Variants in LRIG3 observed in about 807,000 individuals in gnomAD.
LRIG3 encodes leucine-rich repeats and immunoglobulin-like domains protein 3.
In LRIG3, 76 loss-of-function variants were observed where a neutral mutation model predicts 114.5. That is an observed-to-expected ratio of 0.66 (90% CI 0.55 to 0.80). LRIG3 has a LOEUF of 0.80. LRIG3 is among the 30% of genes least tolerant of loss of function. LRIG3 has a pLI of 0.00. For missense variants in LRIG3, 1,239 were observed against 1,382.8 expected, an observed-to-expected ratio of 0.90 and a Z score of 1.65; for synonymous variants, 512 against 519.8, an observed-to-expected ratio of 0.98 and a Z score of 0.20.
intron 1 of LRIG3, among the ~76,000 whole-genome samples, chr12:58,918,267 TA>T (rs1872549400): frequency 6.6e-6 from 1 of 152,248 alleles, no homozygotes; most frequent in Admixed American, 6.5e-5. Context: ...AAATAAACTC[TA>T]ATTTGTTTTT....
intron 3 of LRIG3, among the ~76,000 whole-genome samples, chr12:58,909,895 A>G (rs1434651367): frequency 6.6e-6 from 1 of 152,192 alleles, no homozygotes; most frequent in Non-Finnish European, 1.5e-5. Context: ...CCTCTAAACC[A>G]TCCTCCTGCC....
At chr12:58,888,001 A>G (rs1213376725) in intron 7 of LRIG3, 69 bp from the exon 8 acceptor site, 2 of 1,450,042 alleles carry the variant, frequency 1.4e-6, no homozygotes, top group African/African-American at 2.8e-5. Context: ...GTTTTCCAAA[A>G]GACAGGTACT....
rs1447078187 is a variant in LRIG3 at position 58,888,889 on chromosome 12, T to G, written c.733A>C (p.Lys245Gln). 2 of 1,613,804 alleles carry G rather than the reference T, an allele frequency of 1.2e-6. No homozygotes were observed. The highest frequency in any genetic ancestry group is 1.7e-6 in the Non-Finnish European group (2 of 1,179,872). The change falls in exon 6 of 19, where the codon AAA (lysine) becomes CAA (glutamine). Residue 245 changes from lysine (K) to glutamine (Q), a missense_variant. Lys to Gln is a moderately conservative substitution (Grantham distance 53). Coordinates refer to ENST00000320743, the MANE Select transcript of LRIG3 (RefSeq NM_153377.5). Reference protein sequence around the residue: ...FQGLGALKSLKMQRNGVTKLM... With the variant: ...FQGLGALKSLQMQRNGVTKLM... ...TTCGTTACTCCATTTCTTTGCATTT[T>G]CAGAGACTTCAGAGCACCAAGGCCT...
chr12:58,888,461 T>C lies in LRIG3; in HGVS notation c.815A>G (p.His272Arg), dbSNP rs1018396418. 1 of 1,613,314 alleles carries C rather than the reference T, an allele frequency of 6.2e-7. No homozygotes were observed. Among genetic ancestry groups the C allele is most frequent in the South Asian group, 1.1e-5 (1 of 91,056 alleles). Residue 272 changes from histidine (H) to arginine (R), a missense_variant, in exon 7 of 19, where the codon CAT (histidine) becomes CGT (arginine). By Grantham distance (29) the His-to-Arg change is conservative. Transcript: ENST00000320743. ...TTTGGTAATCTCTGTTAGGTTGTTA[T>C]GGTCCAGCTGCCTACATTTACAGTA... ...LSNMEILQLD[H>R]NNLTEITKGW...
At position 58,880,793 on chromosome 12, in the gene LRIG3, A is replaced by G; in HGVS notation, c.1589T>C (p.Met530Thr). ...CSAASSSDSP[M>T]TFAWKKDNEL... ...ATTGTCTTTTTTCCAAGCAAAAGTCATTGGGGAATCACTGCTGCTGGCAGC... is the reference window on the plus strand; with the variant it reads ...ATTGTCTTTTTTCCAAGCAAAAGTCGTTGGGGAATCACTGCTGCTGGCAGC... Residue 530 changes from methionine to threonine, a missense_variant, in exon 13 of 19, where the codon ATG (methionine) becomes ACG (threonine). By Grantham distance (81) the Met-to-Thr change is moderately conservative. Coordinates refer to ENST00000320743, the MANE Select transcript of LRIG3 (RefSeq NM_153377.5). The G allele has an allele frequency of 6.2e-7, 1 of 1,614,190 alleles. No individual in the cohort carries two copies. The highest frequency in any genetic ancestry group is 8.5e-7 in the Non-Finnish European group (1 of 1,180,028).
intron 1 of LRIG3, chr12:58,919,509 G>A: frequency 6.4e-7 from 1 of 1,551,508 alleles, no homozygotes; most frequent in South Asian, 1.2e-5. Context: ...GAATTCTGTT[G>A]AGGGGGCTTC....
At chr12:58,917,662 G>A (rs1872528979) in intron 1 of LRIG3, among the ~76,000 whole-genome samples, 1 of 152,104 alleles carries the variant, frequency 6.6e-6, no homozygotes, top group African/African-American at 2.4e-5. Flanking sequence ...ACATACACAC[G>A]TAATTTTTCT....
chr12:58,876,343 A>G, intron 16 of LRIG3, 102 bp downstream of exon 16: 1 of 1,311,808 alleles, frequency 7.6e-7, no homozygotes, highest in Non-Finnish European at 1.0e-6. Context: ...CAGGTCCTAA[A>G]TGTCAGTGTT....
intron 10 of LRIG3, 26 bp downstream of exon 10, chr12:58,885,805 A>G: frequency 1.3e-6 from 2 of 1,493,326 alleles, no homozygotes; most frequent in Non-Finnish European, 1.8e-6. Context: ...ATTCTCTTTT[A>G]GGGTAACTAA....
intron 3 of LRIG3, among the ~76,000 whole-genome samples, chr12:58,896,568 G>A (rs1250252381): frequency 2.0e-5 from 3 of 152,198 alleles, no homozygotes; most frequent in African/African-American, 7.2e-5. Context: ...AGACCTTGCA[G>A]CTGTGATGTG....
At chr12:58,909,648 T>C (rs1443405530) in intron 3 of LRIG3, among the ~76,000 whole-genome samples, 1 of 152,256 alleles carries the variant, frequency 6.6e-6, no homozygotes. Context: ...CTGTATTCCC[T>C]GTATCTTCAC....
chr12:58,885,969 C>G lies in LRIG3; in HGVS notation c.1173-67G>C, dbSNP rs952868753. 53 of 963,286 alleles carry G rather than the reference C, an allele frequency of 5.5e-5. 1 individual carries two copies. Among genetic ancestry groups the G allele is most frequent in the Non-Finnish European group, 7.8e-5 (50 of 640,384 alleles). 59.7% of individuals were successfully genotyped at this position (963,286 alleles called of 1,614,324 possible). On this transcript the variant is annotated intron_variant, in intron 9 of 18. Transcript: ENST00000320743. ...CATTTTGGGGTGGAACTCTCATAAA[C>G]AGAACTGCTTTTTAAATTATGTGTG...
At chr12:58,915,033 CAATTT>C (rs1404545774) in intron 1 of LRIG3, among the ~76,000 whole-genome samples, 3 of 152,178 alleles carry the variant, frequency 2.0e-5, no homozygotes, top group Non-Finnish European at 4.4e-5. Context: ...CTCAATAACT[CAATTT>C]AACTTAGTAA....
intron 1 of LRIG3, among the ~76,000 whole-genome samples, chr12:58,915,815 G>C (rs946110148): frequency 6.6e-6 from 1 of 152,156 alleles, no homozygotes; most frequent in Non-Finnish European, 1.5e-5. Flanking sequence ...ACTCACGTTA[G>C]GATTCAAACA....
At chr12:58,905,416 C>T (rs1326837918) in intron 3 of LRIG3, among the ~76,000 whole-genome samples, 2 of 152,150 alleles carry the variant, frequency 1.3e-5, no homozygotes, top group African/African-American at 4.8e-5. Context: ...TAAAAGATTA[C>T]AACTTATCAT....
intron 3 of LRIG3, among the ~76,000 whole-genome samples, chr12:58,894,005 C>T (rs533749818): frequency 1.6e-4 from 24 of 152,120 alleles, no homozygotes; most frequent in Admixed American, 3.3e-4. Context: ...GTGTCTATCA[C>T]GTTGGTCAAA....
chr12:58,878,744 C>T, intron 14 of LRIG3, 80 bp downstream of exon 14: 1 of 1,485,442 alleles, frequency 6.7e-7, no homozygotes, highest in Non-Finnish European at 9.1e-7. Context: ...ACTCTCACAA[C>T]TTCTGATACT....
chr12:58,905,966 A>G (rs1178888227), intron 3 of LRIG3, among the ~76,000 whole-genome samples: 1 of 152,220 alleles, frequency 6.6e-6, no homozygotes, highest in Non-Finnish European at 1.5e-5. Flanking sequence ...AGCACAGAAA[A>G]TGAACTAGGA....
Position 58,892,990 on chromosome 12 carries a change from T to C in LRIG3, c.384-2194A>G, listed in dbSNP as rs182084483. Among the ~76,000 whole-genome samples, 59 of 152,348 alleles carry C rather than the reference T, an allele frequency of 3.9e-4. No homozygotes were observed. The East Asian group carries it at 6.0e-3, about 15-fold the overall frequency. Reference sequence around the variant, plus strand: ...TGCTGAACTTCTGGTTTTAAACTGATCTGGGAATCTACCCTGGCTCATTGA... The same window carrying C: ...TGCTGAACTTCTGGTTTTAAACTGACCTGGGAATCTACCCTGGCTCATTGA... On this transcript the variant is annotated intron_variant, in intron 3 of 18. Transcript: ENST00000320743.
Sources: allele counts gnomAD v4.1 joint callset (sites outside exome capture counted in the v4.1 genomes callset), GRCh38; gene constraint gnomAD v4.1.1; transcripts MANE v1.5; gene names NCBI Gene and HGNC (gene_info 2026-07-23, HGNC 2026-07-21).